The following CNKSR3 variants were observed in gnomAD, a reference collection of about 807,000 sequenced individuals.
CNKSR3 encodes the protein connector enhancer of kinase suppressor of ras 3.
In CNKSR3, 36 loss-of-function variants were observed where a neutral mutation model predicts 67.7. That is an observed-to-expected ratio of 0.53 (90% CI 0.41 to 0.70). CNKSR3 has a LOEUF of 0.70. Ranked by LOEUF, CNKSR3 falls within the 30% of genes least tolerant of loss-of-function variation. The pLI is 0.00. For missense variants in CNKSR3, 630 were observed against 695.2 expected, an observed-to-expected ratio of 0.91 and a Z score of 1.05; for synonymous variants, 281 against 271.4, an observed-to-expected ratio of 1.04 and a Z score of -0.35.
intron 7 of CNKSR3, 135 bp from the exon 8 acceptor site, chr6:154,423,118 ATT>A: frequency 3.2e-6 from 2 of 626,640 alleles, no homozygotes; most frequent in Non-Finnish European, 5.7e-6. Context: ...AATGCACTTT[ATT>A]CCCCTGAGAC....
At chr6:154,415,039 A>G (rs1784989389) in intron 9 of CNKSR3, among the ~76,000 whole-genome samples, 2 of 141,830 alleles carry the variant, frequency 1.4e-5, no homozygotes, top group African/African-American at 5.3e-5. Flanking sequence ...CAGAAGTTGC[A>G]GTGAGCGAAG....
intron 1 of CNKSR3, among the ~76,000 whole-genome samples, chr6:154,451,471 G>A (rs905485600): frequency 2.1e-5 from 2 of 95,038 alleles, no homozygotes; most frequent in Non-Finnish European, 4.1e-5. Flanking sequence ...CCCACCAAAC[G>A]CGCACACACA....
intron 1 of CNKSR3, among the ~76,000 whole-genome samples, chr6:154,454,760 T>C (rs1053948452): frequency 3.5e-4 from 53 of 151,584 alleles, no homozygotes; most frequent in African/African-American, 1.1e-3. Flanking sequence ...GGGCTCAAGC[T>C]GTTCTCCTGC....
At chr6:154,449,454 C>G (rs116329798) in intron 2 of CNKSR3, among the ~76,000 whole-genome samples, 6 of 152,300 alleles carry the variant, frequency 3.9e-5, no homozygotes, top group African/African-American at 9.6e-5. Context: ...TCCTGAATAT[C>G]TGCGACTATA....
intron 1 of CNKSR3, among the ~76,000 whole-genome samples, chr6:154,455,308 CA>C (rs960028868): frequency 6.1e-5 from 9 of 147,028 alleles, no homozygotes; most frequent in East Asian, 2.0e-4. Context: ...CTCAAAAAAC[CA>C]AAAAAAAAAT....
chr6:154,506,899 G>C (rs559281515), intron 1 of CNKSR3, among the ~76,000 whole-genome samples: 4 of 152,210 alleles, frequency 2.6e-5, no homozygotes, highest in Non-Finnish European at 4.4e-5. Context: ...TATTCAGACC[G>C]AATCCTGAAG....
Position 154,400,458 on chromosome 6 carries a change from T to C in CNKSR3, c.*5896A>G, listed in dbSNP as rs1312565786. 6.6e-6 allele frequency: 1 copy of C among 152,176 alleles called. No individual in the cohort carries two copies. The highest frequency in any genetic ancestry group is 1.5e-5 in the Non-Finnish European group (1 of 68,026). 9.4% of individuals were successfully genotyped at this position (152,176 alleles called of 1,614,324 possible). The stretch of plus-strand genomic sequence containing the variant: ...ATTGAGTCCTTAATCACTGACCCCA[T>C]GTGTATTTCTATGGAAGGGGAGTGC... On this transcript the variant is annotated 3_prime_UTR_variant, in exon 13 of 13. Transcript: ENST00000607772.
chr6:154,421,061 T>C (rs986110790), intron 9 of CNKSR3, among the ~76,000 whole-genome samples: 1 of 152,220 alleles, frequency 6.6e-6, no homozygotes, highest in Admixed American at 6.5e-5. Flanking sequence ...TCATCCAGGC[T>C]GAAGTGTAGT....
chr6:154,441,754 AAC>A lies in CNKSR3; in HGVS notation c.419+332_419+333del, dbSNP rs1313658886. Among the ~76,000 whole-genome samples the A allele has an allele frequency of 4.4e-3, 655 of 147,358 alleles. 3 individuals carry two copies. Among genetic ancestry groups the A allele is most frequent in the African/African-American group, 0.015 (622 of 40,276 alleles). ...AAGGAATAGATTAAAAACAAAACAA[AAC>A]AAAAATTGACAGTTAACATCCCTTC... On this transcript the variant is annotated intron_variant, in intron 3 of 12. Coordinates refer to ENST00000607772, the MANE Select transcript of CNKSR3 (RefSeq NM_173515.4).
chr6:154,431,121 C>A (rs1379753785), intron 5 of CNKSR3, among the ~76,000 whole-genome samples: 2 of 151,970 alleles, frequency 1.3e-5, no homozygotes, highest in African/African-American at 4.8e-5. Flanking sequence ...TTATTAACAT[C>A]TTGTACTAGG....
intron 1 of CNKSR3, among the ~76,000 whole-genome samples, chr6:154,466,794 G>GTTT (rs543631005): frequency 9.7e-5 from 14 of 144,946 alleles, no homozygotes; most frequent in Non-Finnish European, 1.1e-4. Flanking sequence ...TAATTTTTTT[G>GTTT]TTTTTTTTTT....
intron 1 of CNKSR3, among the ~76,000 whole-genome samples, chr6:154,480,869 A>G (rs1562352524): frequency 6.6e-6 from 1 of 152,232 alleles, no homozygotes; most frequent in Non-Finnish European, 1.5e-5. Flanking sequence ...ATTTGATAGC[A>G]GTCTTATGCT....
intron 7 of CNKSR3, among the ~76,000 whole-genome samples, chr6:154,426,223 G>A (rs1462238273): frequency 6.6e-6 from 1 of 152,142 alleles, no homozygotes; most frequent in African/African-American, 2.4e-5. Context: ...GGAATACCAG[G>A]ACAGCCCCTG....
intron 1 of CNKSR3, among the ~76,000 whole-genome samples, chr6:154,455,842 TATC>T (rs1785941259): frequency 6.6e-6 from 1 of 150,972 alleles, no homozygotes; most frequent in Non-Finnish European, 1.5e-5. Context: ...CAAAGAGAAA[TATC>T]ATAAACAAAA....
chr6:154,408,780 T>A (rs539330177), intron 12 of CNKSR3, among the ~76,000 whole-genome samples: 1 of 152,272 alleles, frequency 6.6e-6, no homozygotes, highest in Admixed American at 6.5e-5. Flanking sequence ...ATGCAAAGAG[T>A]TATATCTCAA....
chr6:154,487,295 C>T (rs1161325151), intron 1 of CNKSR3, among the ~76,000 whole-genome samples: 1 of 152,090 alleles, frequency 6.6e-6, no homozygotes, highest in African/African-American at 2.4e-5. Flanking sequence ...AAAGTAGCAC[C>T]TAGGCTTTAT....
chr6:154,414,168 G>A lies in CNKSR3; in HGVS notation c.1070+131C>T, dbSNP rs538143329. ...AAATAAGGCTGATCATACTTTTAAC[G>A]GCAGTTCAAGATTCAGCCCTGTCAC... On this transcript the variant is annotated intron_variant, in intron 10 of 12. Transcript: ENST00000607772. 1.1e-5 allele frequency: 10 copies of A among 894,606 alleles called. No homozygotes were observed. In the East Asian group the frequency reaches 1.7e-4, roughly 15 times the overall value. 55.4% of individuals were successfully genotyped at this position (894,606 alleles called of 1,614,324 possible).
chr6:154,428,133 C>G lies in CNKSR3; in HGVS notation c.724G>C (p.Glu242Gln), dbSNP rs773080032. Residue 242 changes from glutamate (E) to glutamine (Q), a missense_variant, in exon 7 of 13, where the codon GAA becomes CAA. Transcript: ENST00000607772. ...CTTAATGAATATACACTTACATTTT[C>G]TGTGGTTCCAGTAATCACGTGTAAC... ...DGLHVITGTT[E>Q]NSPADRSQKI... is the part of the protein sequence containing the mutation. 2 of 1,601,022 alleles carry G rather than the reference C, an allele frequency of 1.2e-6. No individual in the cohort carries two copies. Among genetic ancestry groups the G allele is most frequent in the Non-Finnish European group, 8.6e-7 (1 of 1,168,226 alleles).
At chr6:154,437,295 C>A (rs1358956408) in intron 4 of CNKSR3, among the ~76,000 whole-genome samples, 1 of 152,008 alleles carries the variant, frequency 6.6e-6, no homozygotes, top group Non-Finnish European at 1.5e-5. Flanking sequence ...GCTACCATCA[C>A]AACGCACATG....
Sources: allele counts gnomAD v4.1 joint callset (sites outside exome capture counted in the v4.1 genomes callset), GRCh38; gene constraint gnomAD v4.1.1; transcripts MANE v1.5; gene names NCBI Gene and HGNC (gene_info 2026-07-23, HGNC 2026-07-21).